The following SORT1 variants were observed in gnomAD, a reference collection of about 807,000 sequenced individuals.
SORT1 encodes the protein sortilin 1.
In SORT1, 39 loss-of-function variants were observed where a neutral mutation model predicts 101.7. The ratio of observed to expected loss-of-function variants is 0.38; its 90% CI spans 0.30 to 0.50. The LOEUF (loss-of-function observed/expected upper bound fraction) is 0.50, where lower values mean the gene tolerates loss of function less well. Ranked by LOEUF, SORT1 falls within the 20% of genes least tolerant of loss-of-function variation. The probability of loss-of-function intolerance (pLI) is 0.90; values close to 1 mark genes in which losing one functional copy is unlikely to be tolerated. For synonymous variants in SORT1, 396 were observed against 393.7 expected, an observed-to-expected ratio of 1.01 and a Z score of -0.07; for missense variants, 878 against 1,040.4, an observed-to-expected ratio of 0.84 and a Z score of 2.15.
intron 1 of SORT1, among the ~76,000 whole-genome samples, chr1:109,396,557 A>G (rs1389730288): frequency 6.6e-6 from 1 of 152,174 alleles, no homozygotes. Flanking sequence ...AGAGAATTCT[A>G]TTACAGGTAA....
intron 15 of SORT1, among the ~76,000 whole-genome samples, chr1:109,322,227 C>A (rs537254611): frequency 6.6e-6 from 1 of 152,114 alleles, no homozygotes; most frequent in Non-Finnish European, 1.5e-5. Flanking sequence ...CATGAGCCAC[C>A]GTGCCTGGCC....
At chr1:109,328,799 A>G (rs1329735579) in intron 11 of SORT1, among the ~76,000 whole-genome samples, 1 of 152,226 alleles carries the variant, frequency 6.6e-6, no homozygotes, top group Non-Finnish European at 1.5e-5. Context: ...GTGGTTCGAA[A>G]TAAGATCCAG....
At chr1:109,373,217 T>G (rs1651603681) in intron 1 of SORT1, among the ~76,000 whole-genome samples, 1 of 152,146 alleles carries the variant, frequency 6.6e-6, no homozygotes, top group Non-Finnish European at 1.5e-5. Flanking sequence ...GGAGAGAATT[T>G]CAGGCACAGT....
At chr1:109,336,785 G>A (rs1187721489) in intron 10 of SORT1, among the ~76,000 whole-genome samples, 1 of 149,606 alleles carries the variant, frequency 6.7e-6, no homozygotes, top group Non-Finnish European at 1.5e-5. Flanking sequence ...CTCTAGCCTG[G>A]GCAACAAGAG....
chr1:109,378,871 C>T (rs1652045489), intron 1 of SORT1, among the ~76,000 whole-genome samples: 1 of 150,220 alleles, frequency 6.7e-6, no homozygotes, highest in Non-Finnish European at 1.5e-5. Flanking sequence ...GGCATGATGG[C>T]TCACACCACA....
At chr1:109,367,670 T>G (rs1044226321) in intron 2 of SORT1, among the ~76,000 whole-genome samples, 189 bp from the exon 3 acceptor site, 1 of 152,226 alleles carries the variant, frequency 6.6e-6, no homozygotes, top group African/African-American at 2.4e-5. Context: ...TTTGTTGGGA[T>G]GATCCCCATT....
chr1:109,366,407 T>C (rs1389966038), intron 3 of SORT1, among the ~76,000 whole-genome samples: 3 of 152,166 alleles, frequency 2.0e-5, no homozygotes, highest in Non-Finnish European at 2.9e-5. Context: ...ATTTCAGGAA[T>C]ATAAAAAACC....
At chr1:109,315,228 ATTTG>A (rs1658961214) in intron 17 of SORT1, among the ~76,000 whole-genome samples, 1 of 152,124 alleles carries the variant, frequency 6.6e-6, no homozygotes. Flanking sequence ...ACCAAGATTT[ATTTG>A]TTTACTTAAT....
Position 109,314,077 on chromosome 1 carries a change from T to C in SORT1, c.2482-20A>G, listed in dbSNP as rs775518246. The C allele has an allele frequency of 2.0e-5, 32 of 1,613,800 alleles. No individual in the cohort carries two copies. In the East Asian group the frequency reaches 4.0e-4, roughly 20 times the overall value. ...GAGGTCCTGAAAAAGACATGCACCA[T>C]ATTACCGACAGACCACAACACTCCT... On this transcript the variant is annotated intron_variant, in intron 19 of 19. Coordinates refer to ENST00000256637, the MANE Select transcript of SORT1 (RefSeq NM_002959.7).
At chr1:109,348,652 CT>C (rs532091925) in intron 6 of SORT1, among the ~76,000 whole-genome samples, 1 of 150,774 alleles carries the variant, frequency 6.6e-6, no homozygotes, top group African/African-American at 2.4e-5. Flanking sequence ...CCATGCTTGG[CT>C]TTTTTTTTCA....
chr1:109,397,876 C>T lies in SORT1; in HGVS notation c.17G>A (p.Gly6Glu), dbSNP rs761923944. The change falls in exon 1 of 20, where the codon GGA (glycine) becomes GAA (glutamate). Residue 6 changes from glycine to glutamate, a missense_variant. Gly to Glu is a moderately conservative substitution (Grantham distance 98). Around this residue, in one of 2 missense-constraint regions of SORT1, gnomAD observed 194 missense variants for 145.9 expected, o/e 1.33. Coordinates refer to ENST00000256637, the MANE Select transcript of SORT1 (RefSeq NM_002959.7). ...CCAGCGCGAGAGGCCGTCCGCAGCT[C>T]CCCAGGGCCGCTCCATCGCCGCCGA... Reference protein sequence around the residue: MERPWGAADGLSRWPH... With the variant: MERPWEAADGLSRWPH... The T allele has an allele frequency of 8.3e-7, 1 of 1,209,408 alleles. No individual in the cohort carries two copies. The highest frequency in any genetic ancestry group is 2.8e-5 in the South Asian group (1 of 35,690). 74.9% of individuals were successfully genotyped at this position (1,209,408 alleles called of 1,614,324 possible).
At chr1:109,328,726 G>A (rs1202215359) in intron 11 of SORT1, among the ~76,000 whole-genome samples, 1 of 152,176 alleles carries the variant, frequency 6.6e-6, no homozygotes, top group Non-Finnish European at 1.5e-5. Flanking sequence ...TTTAAAGGCT[G>A]ACTCTACACA....
chr1:109,356,346 T>C (rs1051236571), intron 3 of SORT1, among the ~76,000 whole-genome samples: 2 of 152,162 alleles, frequency 1.3e-5, no homozygotes, highest in African/African-American at 4.8e-5. Flanking sequence ...AATGATGCAG[T>C]ATGTGAACAC....
intron 1 of SORT1, among the ~76,000 whole-genome samples, chr1:109,389,343 AG>A (rs2101658084): frequency 6.6e-6 from 1 of 152,340 alleles, no homozygotes; most frequent in South Asian, 2.1e-4. Flanking sequence ...TATGACCTTG[AG>A]AAAAAGAGTA....
chr1:109,357,756 T>A (rs551082857), intron 3 of SORT1, among the ~76,000 whole-genome samples: 1 of 152,280 alleles, frequency 6.6e-6, no homozygotes, highest in Non-Finnish European at 1.5e-5. Context: ...AATGACTCTA[T>A]CCTTCCTTAA....
chr1:109,367,450 G>T lies in SORT1; in HGVS notation c.398C>A (p.Pro133Gln). The T allele has an allele frequency of 6.2e-7, 1 of 1,608,062 alleles. No homozygotes were observed. The change falls in exon 3 of 20, where the codon CCA becomes CAA. Residue 133 changes from proline to glutamine, a missense_variant. Around this residue, in one of 2 missense-constraint regions of SORT1, gnomAD observed 684 missense variants for 894.5 expected, o/e 0.76. Coordinates refer to ENST00000256637, the MANE Select transcript of SORT1 (RefSeq NM_002959.7). ...VILVLTTFHV[P>Q]LVIMTFGQSK... ...CTGTCCAAAAGTCATAATTACCAGT[G>T]GTACATGGAAGGTAGTCAAGACTAG...
chr1:109,352,897 G>C (rs977898048), intron 5 of SORT1, among the ~76,000 whole-genome samples: 1 of 152,180 alleles, frequency 6.6e-6, no homozygotes, highest in Non-Finnish European at 1.5e-5. Context: ...GGAGCTCTAT[G>C]GGTCTGTTCA....
At chr1:109,329,123 C>T (rs1386918986) in intron 11 of SORT1, among the ~76,000 whole-genome samples, 1 of 152,190 alleles carries the variant, frequency 6.6e-6, no homozygotes, top group East Asian at 1.9e-4. Flanking sequence ...GATGAGCTAC[C>T]TGGTAAGGGC....
At position 109,336,383 on chromosome 1, in the gene SORT1, T is replaced by C. The variant is rs72646566; in HGVS notation, c.1265-37A>G. 2,887 of 1,279,414 alleles carry C rather than the reference T, an allele frequency of 2.3e-3. 8 individuals carry two copies. The highest frequency in any genetic ancestry group is 2.6e-3 in the Non-Finnish European group (2,269 of 874,254). 79.3% of individuals were successfully genotyped at this position (1,279,414 alleles called of 1,614,324 possible). The stretch of plus-strand genomic sequence containing the variant: ...GAGAACAACATTAAGTCTGATACAC[T>C]GGAAGTACCTAGGTTAGATTCACTT... On this transcript the variant is annotated intron_variant, in intron 10 of 19. Transcript: ENST00000256637.
Sources: gnomAD v4.1 joint callset for allele counts (sites outside exome capture counted in the v4.1 genomes callset) on GRCh38, gnomAD v4.1.1 for gene constraint, gnomAD v4.1.1 regional missense constraint, MANE v1.5 for transcripts, NCBI Gene and HGNC (gene_info 2026-07-23, HGNC 2026-07-21) for gene names.